ABCA12: variants seen among roughly 807,000 people sequenced by gnomAD.
The protein encoded by ABCA12 is ATP binding cassette subfamily A member 12, also known as glucosylceramide transporter ABCA12.
A neutral mutation model predicts 293.5 loss-of-function variants in ABCA12; 156 were observed. The ratio of observed to expected loss-of-function variants is 0.53; its 90% confidence interval spans 0.47 to 0.61. The LOEUF (loss-of-function observed/expected upper bound fraction) is 0.61. Ranked by LOEUF, ABCA12 falls within the 20% of genes least tolerant of loss-of-function variation. ABCA12 has a pLI of 0.00. For missense variants in ABCA12, 2,797 were observed against 3,090.2 expected, an observed-to-expected ratio of 0.91 and a Z score of 2.25; for synonymous variants, 1,063 against 1,108.0, an observed-to-expected ratio of 0.96 and a Z score of 0.81.
intron 2 of ABCA12, among the ~76,000 whole-genome samples, chr2:215,094,450 T>C (rs1702209508): frequency 6.6e-6 from 1 of 152,172 alleles, no homozygotes; most frequent in South Asian, 2.1e-4. Context: ...GTTGTCCACC[T>C]ATCAATCCCT....
At position 215,019,436 on chromosome 2, in the gene ABCA12, C is replaced by T. The variant is rs1159714699; in HGVS notation, c.1557G>A (p.Gln519=). Residue 519 remains glutamine (Q), a synonymous_variant, in exon 13 of 53, where the codon CAG becomes CAA. Coordinates refer to ENST00000272895, the MANE Select transcript of ABCA12 (RefSeq NM_173076.3). The part of the protein sequence containing the change: ...INLNMDQFLE[Q]ALQMNYLENI... Reference sequence around the variant, plus strand: ...TTTCCAAGTAATTCATTTGCAGTGCCTGTTCTAGAAACCTGGAACAAAACA... The same window carrying T: ...TTTCCAAGTAATTCATTTGCAGTGCTTGTTCTAGAAACCTGGAACAAAACA... 1 of 1,613,814 alleles carries T rather than the reference C, an allele frequency of 6.2e-7. No homozygotes were observed.
chr2:215,048,069 A>G (rs927165350), intron 6 of ABCA12, among the ~76,000 whole-genome samples: 2 of 152,184 alleles, frequency 1.3e-5, no homozygotes, highest in Non-Finnish European at 2.9e-5. Context: ...TATGAAAAAA[A>G]GCTCAATATC....
intron 49 of ABCA12, among the ~76,000 whole-genome samples, chr2:214,944,221 G>A (rs900453739): frequency 2.0e-5 from 3 of 151,996 alleles, no homozygotes; most frequent in African/African-American, 7.3e-5. Flanking sequence ...AGACCAGCCT[G>A]GCCAACATGC....
intron 39 of ABCA12, among the ~76,000 whole-genome samples, chr2:214,963,461 T>C (rs1481544636): frequency 6.6e-6 from 1 of 151,940 alleles, no homozygotes; most frequent in Non-Finnish European, 1.5e-5. Flanking sequence ...ACCAGATGGA[T>C]TCACAGCTGA....
intron 2 of ABCA12, among the ~76,000 whole-genome samples, chr2:215,103,267 C>CTTTTT (rs72000528): frequency 5.6e-3 from 684 of 121,760 alleles, no homozygotes; most frequent in East Asian, 0.013. Flanking sequence ...AAATTTCTTT[C>CTTTTT]TTTTTTTTTT....
rs1283609139 is a variant in ABCA12 at position 214,949,160 on chromosome 2, G to A, written c.6853-11C>T. The A allele has an allele frequency of 1.3e-6, 2 of 1,598,750 alleles. No individual in the cohort carries two copies. Among genetic ancestry groups the A allele is most frequent in the Non-Finnish European group, 1.7e-6 (2 of 1,166,538 alleles). On this transcript the variant is annotated splice_polypyrimidine_tract_variant and intron_variant, in intron 45 of 52. Coordinates refer to ENST00000272895, the MANE Select transcript of ABCA12 (RefSeq NM_173076.3). ...AAGAAGCCCAAAACACTGGTTTGAGGGAGAAAAAGAAGATATAAGCCTTAA... is the reference window on the plus strand; with the variant it reads ...AAGAAGCCCAAAACACTGGTTTGAGAGAGAAAAAGAAGATATAAGCCTTAA...
chr2:214,941,119 C>T (rs919599389), intron 50 of ABCA12, among the ~76,000 whole-genome samples: 7 of 152,144 alleles, frequency 4.6e-5, no homozygotes, highest in African/African-American at 9.7e-5. Context: ...AAATTTCCCT[C>T]TAAACACTGC....
At chr2:215,069,202 T>C (rs778467137) in intron 2 of ABCA12, among the ~76,000 whole-genome samples, 22 of 149,690 alleles carry the variant, frequency 1.5e-4, no homozygotes, top group Non-Finnish European at 3.1e-4. Flanking sequence ...AAAAAAAAAA[T>C]ATGGAGTTAC....
rs960134109 is a variant in ABCA12 at position 215,129,614 on chromosome 2, T to C, written c.69+8526A>G. On this transcript the variant is annotated intron_variant, in intron 1 of 52. Coordinates refer to ENST00000272895, the MANE Select transcript of ABCA12 (RefSeq NM_173076.3). ...TCTGTTGATTTGTTTGAGTTCGTTA[T>C]AGATTCTAGATATTAATTCATTTTC... Among the ~76,000 whole-genome samples, 4 of 152,244 alleles carry C rather than the reference T, an allele frequency of 2.6e-5. No individual in the cohort carries two copies. In the South Asian group the frequency reaches 8.3e-4, roughly 31 times the overall value.
At chr2:215,081,723 A>G (rs1701945731) in intron 2 of ABCA12, among the ~76,000 whole-genome samples, 1 of 152,200 alleles carries the variant, frequency 6.6e-6, no homozygotes, top group Admixed American at 6.5e-5. Context: ...ATGTGTATAT[A>G]GATATCTTAA....
At chr2:214,989,708 C>T in intron 24 of ABCA12, 87 bp from the exon 25 acceptor site, 2 of 1,395,192 alleles carry the variant, frequency 1.4e-6, no homozygotes, top group Non-Finnish European at 2.0e-6. Flanking sequence ...AAACTTTGGA[C>T]ATTTGTATAG....
chr2:215,006,562 A>T (rs1341487815), intron 19 of ABCA12, among the ~76,000 whole-genome samples: 1 of 152,198 alleles, frequency 6.6e-6, no homozygotes, highest in African/African-American at 2.4e-5. Flanking sequence ...GCACCTTTGG[A>T]GTATAATTTT....
chr2:215,137,632 T>C (rs1271361650), intron 1 of ABCA12, among the ~76,000 whole-genome samples: 1 of 152,216 alleles, frequency 6.6e-6, no homozygotes, highest in Non-Finnish European at 1.5e-5. Flanking sequence ...AGTAAATGAT[T>C]TTTAGATACT....
Position 214,975,843 on chromosome 2 carries a change from G to C in ABCA12, c.5323C>G (p.Pro1775Ala), listed in dbSNP as rs769224366. ...GTLRNSSNSY[P>A]EIQISPSLYG... ...AGAGAGGGGGAGATCTGAATCTCTG[G>C]ATAACTGTTGCTGGAATTTCTCAGT... is the stretch of plus-strand genomic sequence containing the variant. The change falls in exon 34 of 53, where the codon CCA (proline) becomes GCA (alanine). Residue 1775 changes from proline to alanine, a missense_variant. Around this residue, in one of 3 missense-constraint regions of ABCA12, gnomAD observed 2,130 missense variants for 2,427.0 expected, o/e 0.88. Coordinates refer to ENST00000272895, the MANE Select transcript of ABCA12 (RefSeq NM_173076.3). 1.9e-6 allele frequency: 3 copies of C among 1,614,088 alleles called. No homozygotes were observed. The African/African-American group carries it at 4.0e-5, about 22-fold the overall frequency.
chr2:214,956,311 TATACTC>T (rs1388174517), intron 42 of ABCA12, among the ~76,000 whole-genome samples: 1 of 152,150 alleles, frequency 6.6e-6, no homozygotes, highest in Admixed American at 6.5e-5. Flanking sequence ...TAATGCTACA[TATACTC>T]ATATAGTCAA....
intron 19 of ABCA12, among the ~76,000 whole-genome samples, chr2:215,006,517 C>CATTCTTAGTCAAAACAAA (rs1230312497): frequency 6.6e-6 from 1 of 152,066 alleles, no homozygotes; most frequent in African/African-American, 2.4e-5. Flanking sequence ...TATAACTATG[C>CATTCTTAGTCAAAACAAA]ATTAATTCTT....
At chr2:214,965,168 T>G (rs1272506734) in intron 39 of ABCA12, among the ~76,000 whole-genome samples, 1 of 152,140 alleles carries the variant, frequency 6.6e-6, no homozygotes, top group Non-Finnish European at 1.5e-5. Flanking sequence ...GAGAACCGGC[T>G]AGCCATATGC....
At chr2:215,076,387 C>T (rs1270708349) in intron 2 of ABCA12, among the ~76,000 whole-genome samples, 1 of 152,144 alleles carries the variant, frequency 6.6e-6, no homozygotes, top group African/African-American at 2.4e-5. Context: ...TTTAACATAG[C>T]AATTAGTATT....
At chr2:214,942,878 G>T in intron 50 of ABCA12, 47 bp downstream of exon 50, 3 of 1,509,288 alleles carry the variant, frequency 2.0e-6, no homozygotes, top group South Asian at 1.1e-5. Flanking sequence ...AGCACCATTA[G>T]ATAGATGACC....
Sources: gnomAD v4.1 joint callset for allele counts (sites outside exome capture counted in the v4.1 genomes callset) on GRCh38, gnomAD v4.1.1 for gene constraint, gnomAD v4.1.1 regional missense constraint, MANE v1.5 for transcripts, NCBI Gene and HGNC (gene_info 2026-07-23, HGNC 2026-07-21) for gene names.